The following SLC9B2 variants were observed in gnomAD, a reference collection of about 807,000 sequenced individuals.
The protein encoded by SLC9B2 is solute carrier family 9 member B2.
In SLC9B2, 39 loss-of-function variants were observed where a neutral mutation model predicts 52.2. The observed-to-expected ratio is 0.75, with a 90% CI of 0.58 to 0.98. The LOEUF (loss-of-function observed/expected upper bound fraction) is 0.98. Among genes scored for constraint, SLC9B2 ranks in the 50% least tolerant of loss-of-function variants. The pLI is 0.00. For missense variants in SLC9B2, 626 were observed against 637.5 expected (o/e 0.98, Z 0.19); for synonymous variants, 214 against 227.0 (o/e 0.94, Z 0.51).
At chr4:103,057,703 A>T in intron 4 of SLC9B2, 98 bp downstream of exon 4, 6 of 1,342,104 alleles carry the variant, frequency 4.5e-6, no homozygotes, top group Non-Finnish European at 5.1e-6. Context: ...CATGGCAAAT[A>T]CAGAAATATT....
At chr4:103,070,224 C>T (rs1037664742) in intron 1 of SLC9B2, among the ~76,000 whole-genome samples, 1 of 152,188 alleles carries the variant, frequency 6.6e-6, no homozygotes, top group Non-Finnish European at 1.5e-5. Context: ...CAGGAACCTA[C>T]TTAAATTTAG....
At position 103,024,988 on chromosome 4, in the gene SLC9B2, G is replaced by C. The variant is rs892577212; in HGVS notation, c.*1382C>G. Among the ~76,000 whole-genome samples, 1 of 152,224 alleles carries C rather than the reference G, an allele frequency of 6.6e-6. No individual in the cohort carries two copies. The highest frequency in any genetic ancestry group is 2.4e-5 in the African/African-American group (1 of 41,446). On this transcript the variant is annotated 3_prime_UTR_variant, in exon 12 of 12. Coordinates refer to ENST00000394785, the MANE Select transcript of SLC9B2 (RefSeq NM_178833.7). The stretch of plus-strand genomic sequence containing the variant: ...GTCTTTCAAAAGCTTTTGTTTGCAT[G>C]TAAGAATATGCTACTGAATGATGGT...
At chr4:103,043,528 G>A (rs1438761847) in intron 8 of SLC9B2, 83 bp from the exon 9 acceptor site, 3 of 1,268,172 alleles carry the variant, frequency 2.4e-6, no homozygotes, top group Admixed American at 5.2e-5. Flanking sequence ...CTAGGATTTA[G>A]AAAGAAAATA....
intron 9 of SLC9B2, among the ~76,000 whole-genome samples, chr4:103,040,352 A>G (rs748893222): frequency 3.3e-4 from 51 of 152,336 alleles, no homozygotes; most frequent in African/African-American, 1.2e-3. Context: ...TTTTATTTCT[A>G]AAGTGTAGAC....
chr4:103,021,690 G>C (rs760184325), downstream of SLC9B2, among the ~76,000 whole-genome samples: 11 of 152,138 alleles, frequency 7.2e-5, no homozygotes, highest in Non-Finnish European at 1.6e-4. Context: ...TCATACTTCT[G>C]AAAGTACTTC....
chr4:103,061,073 CT>C (rs1330946808), intron 3 of SLC9B2, among the ~76,000 whole-genome samples: 2 of 152,208 alleles, frequency 1.3e-5, no homozygotes, highest in Non-Finnish European at 2.9e-5. Flanking sequence ...GCCTCCTGTG[CT>C]CACAGCGCTC....
chr4:103,059,264 G>A (rs1745426020), intron 3 of SLC9B2, among the ~76,000 whole-genome samples: 1 of 152,088 alleles, frequency 6.6e-6, no homozygotes, highest in African/African-American at 2.4e-5. Context: ...TCCCATACAG[G>A]CAGTCTGTTC....
At chr4:103,060,510 T>C (rs1745533394) in intron 3 of SLC9B2, among the ~76,000 whole-genome samples, 1 of 151,000 alleles carries the variant, frequency 6.6e-6, no homozygotes, top group African/African-American at 2.4e-5. Flanking sequence ...AAATCTGTTT[T>C]TTTGTTTCCT....
At chr4:103,058,425 T>C (rs1745343914) in intron 3 of SLC9B2, among the ~76,000 whole-genome samples, 2 of 152,184 alleles carry the variant, frequency 1.3e-5, no homozygotes, top group South Asian at 4.1e-4. Flanking sequence ...TGAAACAGGG[T>C]CTCCCTCTGT....
chr4:103,067,388 T>G (rs1240732949), intron 2 of SLC9B2, 73 bp downstream of exon 2: 1 of 1,379,026 alleles, frequency 7.3e-7, no homozygotes, highest in Non-Finnish European at 1.0e-6. Context: ...TTGTGTAAGT[T>G]TGGGGATAGG....
At chr4:103,035,780 C>T (rs1043963785) in intron 9 of SLC9B2, among the ~76,000 whole-genome samples, 4 of 152,076 alleles carry the variant, frequency 2.6e-5, no homozygotes, top group African/African-American at 9.7e-5. Context: ...TGGTTATATA[C>T]CCAAAGGAAT....
chr4:103,053,414 C>T (rs1011432779), intron 4 of SLC9B2, among the ~76,000 whole-genome samples: 4 of 152,146 alleles, frequency 2.6e-5, no homozygotes, highest in Admixed American at 2.6e-4. Context: ...TGGTAAAATA[C>T]ATATATAATT....
intron 9 of SLC9B2, chr4:103,041,903 A>G (rs766804614): frequency 3.9e-5 from 6 of 152,166 alleles, no homozygotes; most frequent in Admixed American, 6.5e-5. Context: ...AGAAATCATA[A>G]TACTTTTCAA....
chr4:103,060,698 G>A (rs747719862), intron 3 of SLC9B2, among the ~76,000 whole-genome samples: 55 of 151,918 alleles, frequency 3.6e-4, no homozygotes, highest in Non-Finnish European at 6.8e-4. Flanking sequence ...TTGGAACTTT[G>A]TCTAACTTTG....
chr4:103,070,303 G>C (rs1349209705), intron 1 of SLC9B2, among the ~76,000 whole-genome samples: 1 of 152,162 alleles, frequency 6.6e-6, no homozygotes, highest in African/African-American at 2.4e-5. Flanking sequence ...TATAGTCATT[G>C]GGTCTTGAAA....
chr4:103,076,698 GGGAAAGCTTCCC>G lies in SLC9B2; in HGVS notation c.-569_-558del, dbSNP rs1367215561. 1 of 152,240 alleles carries G rather than the reference GGGAAAGCTTCCC, an allele frequency of 6.6e-6. No homozygotes were observed. Among genetic ancestry groups the G allele is most frequent in the Admixed American group, 6.5e-5 (1 of 15,292 alleles). The allele number at this position is 152,240 out of a possible 1,614,324, so 9.4% of individuals were successfully genotyped here. On this transcript the variant is annotated 5_prime_UTR_variant, in exon 1 of 12. Coordinates refer to ENST00000394785, the MANE Select transcript of SLC9B2 (RefSeq NM_178833.7). ...CTGGGGCCAGGACCAGCGAGCTCCCGGGAAAGCTTCCCGGAAAGCTTACCCAGAGAGCGCGGA... is the reference window on the plus strand; with the variant it reads ...CTGGGGCCAGGACCAGCGAGCTCCCGGGAAAGCTTACCCAGAGAGCGCGGA...
downstream of SLC9B2, chr4:103,020,248 TGTGA>T (rs991262637): frequency 7.8e-6 from 3 of 385,902 alleles, no homozygotes; most frequent in Non-Finnish European, 1.4e-5. Context: ...ATAAAACCTT[TGTGA>T]GTTTTTTTTT....
At chr4:103,026,719 G>T in intron 11 of SLC9B2, 128 bp from the exon 12 acceptor site, 1 of 775,476 alleles carries the variant, frequency 1.3e-6, no homozygotes, top group East Asian at 2.7e-5. Flanking sequence ...GTAAGCATCA[G>T]GAGATATACC....
intron 9 of SLC9B2, among the ~76,000 whole-genome samples, chr4:103,042,809 T>G (rs12506406): frequency 0.11 from 16,598 of 151,616 alleles, 1,058 homozygotes; most frequent in South Asian, 0.22. Context: ...TATACTATAT[T>G]TTATTTATTT....
Sources: allele counts gnomAD v4.1 joint callset (sites outside exome capture counted in the v4.1 genomes callset), GRCh38; gene constraint gnomAD v4.1.1; transcripts MANE v1.5; gene names NCBI Gene and HGNC (gene_info 2026-07-23, HGNC 2026-07-21).